FIGNL2: variants seen among roughly 807,000 people sequenced by gnomAD.
The protein encoded by FIGNL2 is fidgetin like 2.
For missense variants in FIGNL2, 1,060 were observed against 950.2 expected (o/e 1.12, Z -1.52); for synonymous variants, 565 against 484.0 (o/e 1.17, Z -2.20).
At chr12:51,833,128 G>T (rs145370443) in intron 1 of FIGNL2, among the ~76,000 whole-genome samples, 1,857 of 152,156 alleles carry the variant, frequency 0.012, 32 homozygotes, top group African/African-American at 0.042. Context: ...GCTCACTGCA[G>T]CCTGGACCTC....
chr12:51,844,095 C>G (rs1050871166), intron 1 of FIGNL2, among the ~76,000 whole-genome samples: 3 of 152,114 alleles, frequency 2.0e-5, no homozygotes, highest in Non-Finnish European at 4.4e-5. Flanking sequence ...TATTTGAAAC[C>G]AGGGCCACAT....
intron 1 of FIGNL2, among the ~76,000 whole-genome samples, chr12:51,838,439 G>A (rs2138997343): frequency 6.6e-6 from 1 of 152,336 alleles, no homozygotes; most frequent in Admixed American, 6.5e-5. Context: ...GGGTAAGGCA[G>A]GTGTCTGAAG....
chr12:51,822,105 C>A lies in FIGNL2; in HGVS notation c.309G>T (p.Glu103Asp). Residue 103 changes from glutamate to aspartate, a missense_variant, in exon 2 of 2, where the codon GAG (glutamate) becomes GAT (aspartate). Glu to Asp is a conservative substitution (Grantham distance 45). Transcript: ENST00000618634. ...KGDPEPWPGP[E>D]PPYPLASLHE... ...GGAGTGAGGCCAAGGGGTAGGGTGG[C>A]TCCGGCCCTGGCCAGGGCTCGGGAT... The A allele has an allele frequency of 6.2e-7, 1 of 1,611,112 alleles. No individual in the cohort carries two copies. The highest frequency in any genetic ancestry group is 8.5e-7 in the Non-Finnish European group (1 of 1,178,804).
At chr12:51,837,019 T>G (rs1300559166) in intron 1 of FIGNL2, among the ~76,000 whole-genome samples, 1 of 151,956 alleles carries the variant, frequency 6.6e-6, no homozygotes, top group African/African-American at 2.4e-5. Flanking sequence ...CCAGGGAGTG[T>G]ATTAGCACAT....
rs1455386008 is a variant in FIGNL2 at position 51,821,654 on chromosome 12, T to A, written c.760A>T (p.Thr254Ser). 7 of 1,456,358 alleles carry A rather than the reference T, an allele frequency of 4.8e-6. No homozygotes were observed. The South Asian group carries it at 8.0e-5, about 17-fold the overall frequency. 90.2% of individuals were successfully genotyped at this position (1,456,358 alleles called of 1,614,324 possible). ...PAPPTAYGFP[T>S]AAPGAESGLS... ...CCGGATTCGGCACCCGGCGCGGCCG[T>A]GGGGAAGCCATAGGCGGTGGGCGGT... is the stretch of plus-strand genomic sequence containing the variant. The change falls in exon 2 of 2, where the codon ACG (threonine) becomes TCG (serine). Residue 254 changes from threonine (T) to serine (S), a missense_variant. By Grantham distance (58) the Thr-to-Ser change is moderately conservative. Coordinates refer to ENST00000618634, the MANE Select transcript of FIGNL2 (RefSeq NM_001384995.1).
intron 1 of FIGNL2, chr12:51,847,597 G>A (rs536725936): frequency 4.1e-6 from 4 of 985,136 alleles, no homozygotes; most frequent in African/African-American, 1.7e-5. Context: ...GCTCCGGGCC[G>A]CCGCTGGGCG....
At chr12:51,844,806 C>T (rs1939717254) in intron 1 of FIGNL2, 1 of 985,308 alleles carries the variant, frequency 1.0e-6, no homozygotes, top group Non-Finnish European at 1.2e-6. Flanking sequence ...GACCCTGACC[C>T]AGCCAGTGTG....
chr12:51,830,635 G>A (rs1240874788), intron 1 of FIGNL2, among the ~76,000 whole-genome samples: 1 of 151,048 alleles, frequency 6.6e-6, no homozygotes, highest in Non-Finnish European at 1.5e-5. Flanking sequence ...GGGATTACAG[G>A]CGCCCACCAC....
intron 1 of FIGNL2, among the ~76,000 whole-genome samples, chr12:51,830,676 A>G (rs1465880956): frequency 6.6e-6 from 1 of 151,802 alleles, no homozygotes; most frequent in African/African-American, 2.4e-5. Flanking sequence ...TATTTTTAGT[A>G]GAGATGGGGT....
intron 1 of FIGNL2, 120 bp downstream of exon 1, chr12:51,848,420 G>A (rs1168325834): frequency 1.0e-6 from 1 of 981,818 alleles, no homozygotes; most frequent in Non-Finnish European, 1.2e-6. Flanking sequence ...TGAACCCCGC[G>A]ACTAGCAGCC....
intron 1 of FIGNL2, 82 bp downstream of exon 1, chr12:51,848,458 G>A (rs1939799233): frequency 3.1e-6 from 3 of 981,768 alleles, no homozygotes; most frequent in African/African-American, 1.8e-5. Flanking sequence ...CTCCGGCCCC[G>A]GGCCGGCGGA....
chr12:51,847,931 G>A (rs917551852), intron 1 of FIGNL2: 1 of 783,314 alleles, frequency 1.3e-6, no homozygotes, highest in African/African-American at 1.9e-5. Flanking sequence ...CCCTGACTCT[G>A]AGACGCGGGC....
At chr12:51,832,545 C>T (rs923217914) in intron 1 of FIGNL2, among the ~76,000 whole-genome samples, 4 of 152,052 alleles carry the variant, frequency 2.6e-5, no homozygotes, top group Admixed American at 6.6e-5. Context: ...TCTCCTGGCC[C>T]CTGCTGCCGT....
rs1370217755 is a variant in FIGNL2, at chr12:51,821,888, C to T, written c.526G>A (p.Gly176Ser). 73 of 1,372,352 alleles carry T rather than the reference C, an allele frequency of 5.3e-5. No individual in the cohort carries two copies. Among genetic ancestry groups the T allele is most frequent in the Non-Finnish European group, 6.7e-5 (72 of 1,067,244 alleles). The allele number at this position is 1,372,352 out of a possible 1,614,324, so 85.0% of individuals were successfully genotyped here. A position where few individuals can be genotyped will look rare whatever the true frequency, so the allele number is the denominator to read the frequency against. Residue 176 changes from glycine (G) to serine (S), a missense_variant, in exon 2 of 2, where the codon GGC becomes AGC. Coordinates refer to ENST00000618634, the MANE Select transcript of FIGNL2 (RefSeq NM_001384995.1). ...YLAPGYCAQT[G>S]AALPPPPPAA... ...GGGGGCGGCGGGGGCAGCGCGGCGC[C>T]CGTCTGCGCGCAGTAACCCGGCGCC...
At chr12:51,823,244 G>T (rs901169227) in intron 1 of FIGNL2, among the ~76,000 whole-genome samples, 71 of 152,186 alleles carry the variant, frequency 4.7e-4, no homozygotes, top group African/African-American at 1.7e-3. Context: ...GAATAAATAG[G>T]TCATATGCTG....
intron 1 of FIGNL2, among the ~76,000 whole-genome samples, chr12:51,826,855 C>A (rs984887305): frequency 6.6e-6 from 1 of 152,160 alleles, no homozygotes; most frequent in African/African-American, 2.4e-5. Context: ...AGGCCCAGAA[C>A]GATGTCTCAC....
At position 51,822,151 on chromosome 12, in the gene FIGNL2, A is replaced by T; in HGVS notation, c.263T>A (p.Phe88Tyr). 1 of 1,611,480 alleles carries T rather than the reference A, an allele frequency of 6.2e-7. No homozygotes were observed. Among genetic ancestry groups the T allele is most frequent in the Non-Finnish European group, 8.5e-7 (1 of 1,178,990 alleles). ...PALGGYSDAS[F>Y]LNGAKGDPEP... ...GGGATCCCCTTTGGCGCCGTTGAGG[A>T]AGGAGGCGTCGCTGTACCCGCCCAG... Residue 88 changes from phenylalanine (F) to tyrosine (Y), a missense_variant, in exon 2 of 2, where the codon TTC becomes TAC. Transcript: ENST00000618634.
intron 1 of FIGNL2, chr12:51,845,020 A>G (rs916615040): frequency 5.1e-5 from 15 of 296,578 alleles, no homozygotes; most frequent in Non-Finnish European, 7.5e-5. Flanking sequence ...TAAGGTCCCC[A>G]TGGGCTTCAG....
At chr12:51,829,724 A>C (rs1177422221) in intron 1 of FIGNL2, among the ~76,000 whole-genome samples, 2 of 151,072 alleles carry the variant, frequency 1.3e-5, no homozygotes, top group South Asian at 2.1e-4. Flanking sequence ...ATCAGCTAAC[A>C]GGGAAGAGAA....
Sources: allele counts gnomAD v4.1 joint callset (sites outside exome capture counted in the v4.1 genomes callset), GRCh38; gene constraint gnomAD v4.1.1; transcripts MANE v1.5; gene names NCBI Gene and HGNC (gene_info 2026-07-23, HGNC 2026-07-21).